SNX29: variants seen among roughly 807,000 people sequenced by gnomAD.
SNX29 encodes sorting nexin 29, also known as sorting nexin-29.
A neutral mutation model predicts 102.1 loss-of-function variants in SNX29; 78 were observed. The ratio of observed to expected loss-of-function variants is 0.76; its 90% CI spans 0.64 to 0.92. SNX29 has a LOEUF of 0.92. Among genes scored for constraint, SNX29 ranks in the 40% least tolerant of loss-of-function variants. The pLI is 0.00. For synonymous variants in SNX29, 580 were observed against 414.5 expected (o/e 1.40, Z -4.85); for missense variants, 1,280 against 1,061.7 (o/e 1.21, Z -2.86).
chr16:12,126,555 A>G, intron 11 of SNX29, 78 bp from the exon 12 acceptor site: 2 of 1,442,356 alleles, frequency 1.4e-6, no homozygotes, highest in East Asian at 2.3e-5. Flanking sequence ...CCTTAATAGC[A>G]TATAATCCAG....
intron 1 of SNX29, among the ~76,000 whole-genome samples, chr16:11,984,375 A>AC (rs1567492478): frequency 3.0e-5 from 1 of 32,908 alleles, no homozygotes. Context: ...ACCCTGTCTC[A>AC]AAAAAAAAAA....
intron 5 of SNX29, among the ~76,000 whole-genome samples, chr16:12,045,885 A>C (rs139363091): frequency 0.015 from 2,250 of 152,038 alleles, 46 homozygotes; most frequent in African/African-American, 0.051. Context: ...TGGCCTCCTA[A>C]AGTGCTGGGA....
intron 18 of SNX29, among the ~76,000 whole-genome samples, chr16:12,412,587 T>G (rs2084446837): frequency 6.6e-6 from 1 of 152,234 alleles, no homozygotes; most frequent in South Asian, 2.1e-4. Context: ...TGGAGACCTT[T>G]TCAGCCTCAT....
chr16:12,217,300 G>A (rs946207175), intron 14 of SNX29, among the ~76,000 whole-genome samples: 8 of 152,316 alleles, frequency 5.3e-5, no homozygotes, highest in African/African-American at 1.2e-4. Flanking sequence ...GATTATAGGC[G>A]TGAGCCACCA....
intron 18 of SNX29, among the ~76,000 whole-genome samples, chr16:12,405,611 CAG>C (rs1385926172): frequency 1.1e-4 from 16 of 152,296 alleles, no homozygotes; most frequent in African/African-American, 3.8e-4. Context: ...AGAGCAAAAT[CAG>C]AGCATGTGTT....
At chr16:11,996,061 GAAAA>G (rs774382847) in intron 1 of SNX29, among the ~76,000 whole-genome samples, 2 of 130,016 alleles carry the variant, frequency 1.5e-5, no homozygotes, top group Non-Finnish European at 3.3e-5. Context: ...CTCCGTCTCA[GAAAA>G]AAAAAAAAAA....
intron 19 of SNX29, among the ~76,000 whole-genome samples, chr16:12,522,942 C>G (rs762198228): frequency 2.0e-5 from 3 of 152,198 alleles, no homozygotes; most frequent in African/African-American, 7.2e-5. Flanking sequence ...ACCCATGTAG[C>G]TGGGACTACA....
At chr16:12,186,869 A>T (rs1464292464) in intron 13 of SNX29, among the ~76,000 whole-genome samples, 2 of 152,200 alleles carry the variant, frequency 1.3e-5, no homozygotes, top group Non-Finnish European at 2.9e-5. Context: ...TAATAAAGAG[A>T]CACTATAGCA....
At chr16:12,304,333 C>G (rs913555999) in intron 15 of SNX29, among the ~76,000 whole-genome samples, 8 of 152,186 alleles carry the variant, frequency 5.3e-5, no homozygotes, top group Non-Finnish European at 1.0e-4. Flanking sequence ...AGCGCAATGG[C>G]GAGATCTTGG....
intron 19 of SNX29, among the ~76,000 whole-genome samples, chr16:12,480,163 A>C (rs2087839363): frequency 6.6e-6 from 1 of 152,168 alleles, no homozygotes; most frequent in Non-Finnish European, 1.5e-5. Context: ...GCTGTCACAA[A>C]TCCCCACAAA....
At chr16:12,305,825 G>A (rs1055525316) in intron 15 of SNX29, among the ~76,000 whole-genome samples, 14 of 152,168 alleles carry the variant, frequency 9.2e-5, no homozygotes, top group Non-Finnish European at 1.8e-4. Flanking sequence ...TTTGGTCAAA[G>A]CCCTTGTCCT....
chr16:12,556,754 C>T (rs3135014), intron 20 of SNX29, among the ~76,000 whole-genome samples: 29,937 of 152,044 alleles, frequency 0.2, 3,129 homozygotes, highest in East Asian at 0.43. Context: ...AAAATTAAGG[C>T]ACCCCCAGAG....
intron 20 of SNX29, among the ~76,000 whole-genome samples, chr16:12,548,912 G>A (rs567181633): frequency 2.0e-5 from 3 of 152,212 alleles, no homozygotes; most frequent in Non-Finnish European, 4.4e-5. Flanking sequence ...TCGGGCTGTA[G>A]GTATTCTTCA....
chr16:12,091,775 CAA>C (rs71408236), intron 11 of SNX29, among the ~76,000 whole-genome samples: 29 of 93,948 alleles, frequency 3.1e-4, no homozygotes, highest in South Asian at 1.6e-3. Flanking sequence ...AGATCCTTCT[CAA>C]AAAAAAAAAA....
chr16:12,496,803 CG>C (rs2088850658), intron 19 of SNX29, among the ~76,000 whole-genome samples: 1 of 152,044 alleles, frequency 6.6e-6, no homozygotes, highest in African/African-American at 2.4e-5. Context: ...CTGCAGGGTT[CG>C]GGGAAGACAT....
Position 12,543,316 on chromosome 16 carries a change from T to C in SNX29, c.2318+18475T>C, listed in dbSNP as rs2077428528. Among the ~76,000 whole-genome samples the C allele has an allele frequency of 7.9e-5, 12 of 152,184 alleles. No individual in the cohort carries two copies. The South Asian group carries it at 2.5e-3, about 32-fold the overall frequency. Reference sequence around the variant, plus strand: ...CTGTGGCCCGGGGAATGGAGCACCTTGATTAGCCAAATCTGGGGCAGAGGA... The same window carrying C: ...CTGTGGCCCGGGGAATGGAGCACCTCGATTAGCCAAATCTGGGGCAGAGGA... On this transcript the variant is annotated intron_variant, in intron 20 of 20. Transcript: ENST00000566228.
chr16:12,191,020 C>A (rs2076628775), intron 13 of SNX29, among the ~76,000 whole-genome samples: 1 of 150,624 alleles, frequency 6.6e-6, no homozygotes, highest in African/African-American at 2.4e-5. Flanking sequence ...TTTTTGGCAC[C>A]AGGGACTGGT....
chr16:12,413,245 G>A (rs1320057469), intron 18 of SNX29, among the ~76,000 whole-genome samples: 1 of 152,162 alleles, frequency 6.6e-6, no homozygotes, highest in Non-Finnish European at 1.5e-5. Context: ...CAAAACGGGA[G>A]ATAAAAACAG....
chr16:12,500,190 G>A (rs1474563809), intron 19 of SNX29, among the ~76,000 whole-genome samples: 2 of 152,034 alleles, frequency 1.3e-5, no homozygotes, highest in African/African-American at 4.8e-5. Context: ...CAGCGACAAG[G>A]TCTGGCTGTG....
Sources: allele counts gnomAD v4.1 joint callset (sites outside exome capture counted in the v4.1 genomes callset), GRCh38; gene constraint gnomAD v4.1.1; transcripts MANE v1.5; gene names NCBI Gene and HGNC (gene_info 2026-07-23, HGNC 2026-07-21).